Variants in CLIP4 observed in about 807,000 individuals in gnomAD.
The protein encoded by CLIP4 is CAP-Gly domain-containing linker protein 4.
CLIP4 carries 47 observed loss-of-function variants against 73.1 expected under a neutral mutation model. That is an observed-to-expected ratio of 0.64 (90% CI 0.51 to 0.82). The LOEUF is 0.82. Among genes scored for constraint, CLIP4 ranks in the 40% least tolerant of loss-of-function variants. CLIP4 has a pLI of 0.00. For missense variants in CLIP4, 874 were observed against 852.9 expected (o/e 1.02, Z -0.31); for synonymous variants, 306 against 295.4 (o/e 1.04, Z -0.37).
At chr2:29,099,777 G>A (rs1438105736) in intron 1 of CLIP4, among the ~76,000 whole-genome samples, 2 of 152,166 alleles carry the variant, frequency 1.3e-5, no homozygotes, top group Non-Finnish European at 2.9e-5. Context: ...TACAGATCAC[G>A]CTGGGAAGAA....
intron 1 of CLIP4, among the ~76,000 whole-genome samples, chr2:29,102,394 A>G (rs915858864): frequency 9.9e-5 from 15 of 151,906 alleles, no homozygotes; most frequent in Admixed American, 7.2e-4. Context: ...TGCCTTCACA[A>G]TCTCTCTAGG....
At chr2:29,126,949 A>G (rs536604248) in intron 2 of CLIP4, among the ~76,000 whole-genome samples, 1 of 152,314 alleles carries the variant, frequency 6.6e-6, no homozygotes, top group East Asian at 1.9e-4. Context: ...CCTCAAAGAC[A>G]ATAAACAGGA....
rs200339835 is a variant in CLIP4, at chr2:29,133,775, C to T, written c.488C>T (p.Pro163Leu). Residue 163 changes from proline to leucine, a missense_variant, in exon 5 of 16, where the codon CCT becomes CTT. Coordinates refer to ENST00000320081, the MANE Select transcript of CLIP4 (RefSeq NM_024692.6). ...CATTATGCTGCTTATTTTGATGTCC[C>T]TGAACTTATAAGAGTGATTTTGAAA... ...ALHYAAYFDV[P>L]ELIRVILKTS... 2.5e-6 allele frequency: 4 copies of T among 1,611,396 alleles called. No individual in the cohort carries two copies. In the African/African-American group the frequency reaches 4.0e-5, roughly 16 times the overall value.
chr2:29,099,927 T>A lies in CLIP4; in HGVS notation c.-16+1980T>A, dbSNP rs1667991705. Among the ~76,000 whole-genome samples, 3 of 152,208 alleles carry A rather than the reference T, an allele frequency of 2.0e-5. No individual in the cohort carries two copies. The South Asian group carries it at 6.2e-4, about 32-fold the overall frequency. On this transcript the variant is annotated intron_variant, in intron 1 of 14. Transcript: ENST00000401605. The stretch of plus-strand genomic sequence containing the variant: ...TTTTGTTAGATTTATACATAACTCT[T>A]TCTCTCTCTCTTTTTGATGCTAATG...
chr2:29,156,571 A>G, intron 10 of CLIP4, 128 bp downstream of exon 10: 2 of 652,516 alleles, frequency 3.1e-6, no homozygotes, highest in Non-Finnish European at 5.2e-6. Context: ...AGTAAAAATT[A>G]AACTTGGAAA....
At chr2:29,127,822 T>C (rs1430282473) in intron 2 of CLIP4, among the ~76,000 whole-genome samples, 7 of 152,142 alleles carry the variant, frequency 4.6e-5, no homozygotes, top group Admixed American at 4.6e-4. Flanking sequence ...TGTCTGTAGA[T>C]GGCAAAAGAT....
At chr2:29,119,110 G>A (rs918376487) in intron 1 of CLIP4, among the ~76,000 whole-genome samples, 4 of 152,314 alleles carry the variant, frequency 2.6e-5, no homozygotes, top group African/African-American at 7.2e-5. Flanking sequence ...AGAGAAAAAC[G>A]CAACAAAGAC....
At chr2:29,124,820 T>C (rs1664493373) in intron 2 of CLIP4, among the ~76,000 whole-genome samples, 1 of 152,134 alleles carries the variant, frequency 6.6e-6, no homozygotes, top group Non-Finnish European at 1.5e-5. Flanking sequence ...CCTTTGAACA[T>C]TTGGAATAGA....
At chr2:29,174,661 T>C in intron 15 of CLIP4, 1 of 1,263,902 alleles carries the variant, frequency 7.9e-7, no homozygotes, top group Non-Finnish European at 1.0e-6. Flanking sequence ...GTGCACTGCA[T>C]ATATTTTATC....
chr2:29,161,853 A>G lies in CLIP4; in HGVS notation c.1534+1386A>G, dbSNP rs573941118. 7.9e-5 allele frequency among the ~76,000 whole-genome samples: 12 copies of G among 152,312 alleles called. No homozygotes were observed. The South Asian group carries it at 2.5e-3, about 32-fold the overall frequency. On this transcript the variant is annotated intron_variant, in intron 12 of 15. Coordinates refer to ENST00000320081, the MANE Select transcript of CLIP4 (RefSeq NM_024692.6). Reference sequence around the variant, plus strand: ...GTTTATGAAAAGGTAGTCTAGAACGAAAGTAGTCACTGCCTCTACCCATAA... The same window carrying G: ...GTTTATGAAAAGGTAGTCTAGAACGGAAGTAGTCACTGCCTCTACCCATAA...
intron 1 of CLIP4, among the ~76,000 whole-genome samples, chr2:29,107,367 T>TTTTTTTTGTTGTTTTTTTTGTTTTTTTTG (rs1668247742): frequency 1.8e-5 from 2 of 111,172 alleles, no homozygotes; most frequent in African/African-American, 7.3e-5. Flanking sequence ...AGTTTTTTTT[T>TTTTTTTTGTTGTTTTTTTTGTTTTTTTTG]TTTTTTTTTT....
chr2:29,131,990 A>C (rs1159382670), intron 3 of CLIP4, 162 bp from the exon 4 acceptor site: 1 of 534,698 alleles, frequency 1.9e-6, no homozygotes, highest in African/African-American at 2.0e-5. Context: ...GTTGTTGAGT[A>C]CAGATTTAAA....
intron 6 of CLIP4, among the ~76,000 whole-genome samples, chr2:29,136,960 A>T (rs1316840596): frequency 6.6e-6 from 1 of 152,168 alleles, no homozygotes; most frequent in African/African-American, 2.4e-5. Flanking sequence ...TACTTAAAAA[A>T]AAAAAAGGTA....
At chr2:29,153,124 G>C (rs537682229) in intron 9 of CLIP4, among the ~76,000 whole-genome samples, 1 of 152,088 alleles carries the variant, frequency 6.6e-6, no homozygotes, top group Non-Finnish European at 1.5e-5. Flanking sequence ...AACAAAACTA[G>C]CTTTAGGCTC....
chr2:29,162,549 G>A, intron 12 of CLIP4, among the ~76,000 whole-genome samples: 1 of 152,182 alleles, frequency 6.6e-6, no homozygotes, highest in East Asian at 1.9e-4. Context: ...GTTTCCAAGA[G>A]TTACATGGTT....
intron 2 of CLIP4, among the ~76,000 whole-genome samples, chr2:29,125,914 C>G (rs990879368): frequency 6.6e-6 from 1 of 152,182 alleles, no homozygotes; most frequent in Non-Finnish European, 1.5e-5. Flanking sequence ...GTAGCTCACA[C>G]TTGTAATCCC....
chr2:29,134,585 CTG>C (rs1665215601), intron 5 of CLIP4, among the ~76,000 whole-genome samples: 1 of 143,952 alleles, frequency 6.9e-6, no homozygotes, highest in Non-Finnish European at 1.5e-5. Context: ...GTCTACACTA[CTG>C]TGTCTTTAAT....
At chr2:29,163,128 A>C (rs1008176975) in intron 12 of CLIP4, among the ~76,000 whole-genome samples, 5 of 152,138 alleles carry the variant, frequency 3.3e-5, no homozygotes, top group African/African-American at 7.2e-5. Context: ...CCACATTTAA[A>C]GCAACCTTGC....
rs562875643 is a variant in CLIP4, at chr2:29,124,836, A to G, written c.133+3315A>G. On this transcript the variant is annotated intron_variant, in intron 2 of 15. Transcript: ENST00000320081. ...CTTTGAACATTTGGAATAGAGTTATATTGACTGTTTTAATGTCCTTCTCTG... is the reference window on the plus strand; with the variant it reads ...CTTTGAACATTTGGAATAGAGTTATGTTGACTGTTTTAATGTCCTTCTCTG... Among the ~76,000 whole-genome samples the G allele has an allele frequency of 3.9e-5, 6 of 152,190 alleles. No homozygotes were observed. The South Asian group carries it at 1.2e-3, about 32-fold the overall frequency.
Sources: gnomAD v4.1 joint callset for allele counts (sites outside exome capture counted in the v4.1 genomes callset) on GRCh38, gnomAD v4.1.1 for gene constraint, MANE v1.5 for transcripts, NCBI Gene and HGNC (gene_info 2026-07-23, HGNC 2026-07-21) for gene names.